Variants in LPA observed in about 807,000 individuals in gnomAD.
LPA encodes the protein apolipoprotein(a).
Under a neutral mutation model 197.9 loss-of-function variants are expected in LPA, and 199 were observed. That is an observed-to-expected ratio of 1.01 (90% confidence interval 0.90 to 1.13). The LOEUF is 1.13. Ranked by LOEUF, LPA falls within the 50% of genes most tolerant of loss-of-function variation. The pLI, the probability that LPA is intolerant of heterozygous loss-of-function variation, is 0.00. For synonymous variants in LPA, 715 were observed against 639.5 expected (o/e 1.12, Z -1.78); for missense variants, 1,853 against 1,785.8 (o/e 1.04, Z -0.68).
At chr6:160,589,852 T>C (rs1390573924) in intron 23 of LPA, 140 bp from the exon 24 acceptor site, 17 of 935,970 alleles carry the variant, frequency 1.8e-5, no homozygotes, top group Middle Eastern at 4.3e-4. Flanking sequence ...CAGATGGACA[T>C]GCCAATAACA....
intron 28 of LPA, among the ~76,000 whole-genome samples, chr6:160,567,495 G>A (rs1583583849): frequency 6.6e-6 from 1 of 152,258 alleles, no homozygotes; most frequent in Non-Finnish European, 1.5e-5. Flanking sequence ...ATTTAAAGCA[G>A]TGTGTAGGGG....
intron 25 of LPA, among the ~76,000 whole-genome samples, chr6:160,586,059 T>C (rs1214339806): frequency 6.6e-6 from 1 of 152,104 alleles, no homozygotes; most frequent in African/African-American, 2.4e-5. Context: ...TCCTTCAAAA[T>C]GGTAAAGCTG....
chr6:160,539,997 A>C, intron 36 of LPA, 46 bp downstream of exon 36: 1 of 1,614,016 alleles, frequency 6.2e-7, no homozygotes, highest in East Asian at 2.2e-5. Context: ...GACATAAAGC[A>C]AATATCTTCA....
At chr6:160,650,551 T>C in intron 1 of LPA, 54 bp from the exon 2 acceptor site, 7 of 1,563,444 alleles carry the variant, frequency 4.5e-6, no homozygotes, top group Non-Finnish European at 6.2e-6. Flanking sequence ...CAGAAAAAAA[T>C]GTGAAGTCAT....
In LPA at chr6:160,595,441, G is replaced by C. The variant is rs199532848; in HGVS notation, c.3382C>G (p.Leu1128Val). 656 of 1,613,904 alleles carry C rather than the reference G, an allele frequency of 4.1e-4. 11 individuals are homozygous for C. The South Asian group carries it at 5.7e-3, about 14-fold the overall frequency. Residue 1128 changes from leucine to valine, a missense_variant, in exon 21 of 39, where the codon CTG (leucine) becomes GTG (valine). Physicochemically the swap from Leu to Val is conservative, Grantham distance 32. Transcript: ENST00000316300. ...DPSVRWEYCN[L>V]TQCLVTESSV... is the part of the protein sequence containing the mutation. ...GATTCTGTCACCAGGCATTGTGTCA[G>C]GTTGCAGTACTCCCACCTGACACTG... is the stretch of plus-strand genomic sequence containing the variant.
chr6:160,611,307 T>A (rs563973184), intron 16 of LPA, among the ~76,000 whole-genome samples: 1 of 152,228 alleles, frequency 6.6e-6, no homozygotes, highest in South Asian at 2.1e-4. Flanking sequence ...GGTTCGTCAT[T>A]CTGACTTTCT....
chr6:160,564,062 A>G (rs1015154034), intron 28 of LPA, among the ~76,000 whole-genome samples: 4 of 152,192 alleles, frequency 2.6e-5, no homozygotes, highest in Admixed American at 2.0e-4. Flanking sequence ...TAGCCCATTT[A>G]CATTTAAGGT....
chr6:160,545,050 AT>A (rs150211198), intron 33 of LPA, among the ~76,000 whole-genome samples: 1,755 of 149,578 alleles, frequency 0.012, 34 homozygotes, highest in African/African-American at 0.039. Context: ...TGCTGCTCGT[AT>A]TTTTTTTTTC....
intron 28 of LPA, among the ~76,000 whole-genome samples, chr6:160,558,439 A>G (rs758398021): frequency 7.2e-5 from 11 of 152,302 alleles, no homozygotes; most frequent in Non-Finnish European, 1.3e-4. Flanking sequence ...TGAAAATAGT[A>G]TTACTGTAAA....
rs116571939 is a variant in LPA, at chr6:160,563,638, C to T, written c.4632-6067G>A. Among the ~76,000 whole-genome samples the T allele has an allele frequency of 5.4e-3, 821 of 151,780 alleles. 14 individuals are homozygous for T. The highest frequency in any genetic ancestry group is 0.019 in the African/African-American group (802 of 41,474). On this transcript the variant is annotated intron_variant, in intron 28 of 38. Coordinates refer to ENST00000316300, the MANE Select transcript of LPA (RefSeq NM_005577.4). ...GAATATCCTTGTTAATTTTCTGTCACGTCGATCTAATATTGGCTGTGGGGT... is the reference window on the plus strand; with the variant it reads ...GAATATCCTTGTTAATTTTCTGTCATGTCGATCTAATATTGGCTGTGGGGT...
chr6:160,599,809 A>G, intron 19 of LPA, 150 bp from the exon 20 acceptor site: 1 of 780,792 alleles, frequency 1.3e-6, no homozygotes, highest in Admixed American at 2.3e-5. Flanking sequence ...GAGAAAACAC[A>G]CAAACAAACA....
At position 160,595,374 on chromosome 6, in the gene LPA, G is replaced by C; in HGVS notation, c.3449C>G (p.Thr1150Arg). Residue 1150 changes from threonine (T) to arginine (R), a missense_variant, in exon 21 of 39, where the codon ACA (threonine) becomes AGA (arginine). Physicochemically the swap from Thr to Arg is moderately conservative, Grantham distance 71. Transcript: ENST00000316300. ...ATLTVVPDPS[T>R]EASSEEAPTE... Reference sequence around the variant, plus strand: ...CCTACCTTCTTCAGAAGAAGCCTCTGTGCTTGGATCTGGGACCACCGTGAG... The same window carrying C: ...CCTACCTTCTTCAGAAGAAGCCTCTCTGCTTGGATCTGGGACCACCGTGAG... 1 of 1,612,718 alleles carries C rather than the reference G, an allele frequency of 6.2e-7. No homozygotes were observed. The highest frequency in any genetic ancestry group is 8.5e-7 in the Non-Finnish European group (1 of 1,179,846).
intron 1 of LPA, among the ~76,000 whole-genome samples, chr6:160,659,155 G>A (rs991047299): frequency 3.3e-5 from 5 of 152,174 alleles, no homozygotes; most frequent in African/African-American, 1.2e-4. Context: ...GGGAGGCTAA[G>A]CCAGTCTAGC....
intron 16 of LPA, among the ~76,000 whole-genome samples, chr6:160,610,137 T>C (rs759264285): frequency 2.6e-5 from 4 of 152,174 alleles, no homozygotes; most frequent in Non-Finnish European, 2.9e-5. Flanking sequence ...GCCTGATTTA[T>C]TTTCTGGTCA....
At chr6:160,646,836 T>C (rs897146471) in intron 2 of LPA, among the ~76,000 whole-genome samples, 1 of 150,554 alleles carries the variant, frequency 6.6e-6, no homozygotes, top group African/African-American at 2.5e-5. Context: ...CATATTCTAA[T>C]GTGGGAGTTG....
At chr6:160,663,797 T>C (rs1025901914) in intron 1 of LPA, among the ~76,000 whole-genome samples, 7 of 152,194 alleles carry the variant, frequency 4.6e-5, no homozygotes, top group Non-Finnish European at 1.0e-4. Context: ...GAGGGGAGCA[T>C]GGCACCTGAA....
chr6:160,654,001 TATAATATATATTA>T (rs1562354648), intron 1 of LPA, among the ~76,000 whole-genome samples: 10 of 18,394 alleles, frequency 5.4e-4, no homozygotes, highest in African/African-American at 2.7e-3. Context: ...ATATATTATA[TATAATATATATTA>T]TATATAATAT....
At chr6:160,565,564 A>G (rs1778436871) in intron 28 of LPA, among the ~76,000 whole-genome samples, 1 of 152,190 alleles carries the variant, frequency 6.6e-6, no homozygotes, top group Admixed American at 6.5e-5. Context: ...AACCACAAAG[A>G]TGGGGAGAAA....
In LPA at chr6:160,606,481, T is replaced by A. The variant is rs747721604; in HGVS notation, c.2781A>T (p.Glu927Asp). Residue 927 changes from glutamate (E) to aspartate (D), a missense_variant, in exon 17 of 39, where the codon GAA (glutamate) becomes GAT (aspartate). Around this residue, in one of 3 missense-constraint regions of LPA, gnomAD observed 1,737 missense variants for 1,504.4 expected, o/e 1.15. Coordinates refer to ENST00000316300, the MANE Select transcript of LPA (RefSeq NM_005577.4). The stretch of plus-strand genomic sequence containing the variant: ...TTCTGGCCACAGGCTCCTTACCTTG[T>A]TCAGAAGGAGCCTCTAGGCTTGGAA... ...TPIPSLEAPS[E>D]QAPTEQRPGV... The A allele has an allele frequency of 2.5e-6, 4 of 1,613,284 alleles. No individual in the cohort carries two copies. Among genetic ancestry groups the A allele is most frequent in the African/African-American group, 1.3e-5 (1 of 74,888 alleles).
Sources: gnomAD v4.1 joint callset for allele counts (sites outside exome capture counted in the v4.1 genomes callset) on GRCh38, gnomAD v4.1.1 for gene constraint, gnomAD v4.1.1 regional missense constraint, MANE v1.5 for transcripts, NCBI Gene and HGNC (gene_info 2026-07-23, HGNC 2026-07-21) for gene names.